Variants in SOBP observed in about 807,000 individuals in gnomAD.
SOBP encodes the protein sine oculis-binding protein homolog.
In SOBP, 4 loss-of-function variants were observed where a neutral mutation model predicts 53.6. The observed-to-expected ratio is 0.07, with a 90% confidence interval of 0.04 to 0.17. The LOEUF (loss-of-function observed/expected upper bound fraction) is 0.17, where lower values mean the gene tolerates loss of function less well. SOBP is among the 10% of genes least tolerant of loss of function. The pLI, the probability that SOBP is intolerant of heterozygous loss-of-function variation, is 1.00. For missense variants in SOBP, 1,088 were observed against 1,204.7 expected (o/e 0.90, Z 1.43); for synonymous variants, 584 against 522.6 (o/e 1.12, Z -1.60).
chr6:107,521,909 A>ACAC, intron 3 of SOBP, among the ~76,000 whole-genome samples: 1 of 139,370 alleles, frequency 7.2e-6, no homozygotes, highest in South Asian at 2.4e-4. Flanking sequence ...CAGACATTAA[A>ACAC]ACACACACAC....
In SOBP at chr6:107,599,397, T is replaced by A. The variant is rs540717785; in HGVS notation, c.669+12222T>A. ...ATATGAGTAGTCCGAATCCGTTTTT[T>A]AAAAATGAACCATCTTATGATATAC... On this transcript the variant is annotated intron_variant, in intron 5 of 6. Coordinates refer to ENST00000317357, the MANE Select transcript of SOBP (RefSeq NM_018013.4). 1.1e-4 allele frequency among the ~76,000 whole-genome samples: 16 copies of A among 152,312 alleles called. No individual in the cohort carries two copies. The East Asian group carries it at 1.5e-3, about 15-fold the overall frequency.
intron 6 of SOBP, among the ~76,000 whole-genome samples, chr6:107,643,476 AC>A (rs1771415158): frequency 6.6e-6 from 1 of 152,002 alleles, no homozygotes; most frequent in South Asian, 2.1e-4. Flanking sequence ...GAGTGCAGTG[AC>A]GCGATCTCGG....
intron 1 of SOBP, among the ~76,000 whole-genome samples, chr6:107,496,001 A>G (rs549239381): frequency 4.6e-5 from 7 of 152,242 alleles, no homozygotes; most frequent in African/African-American, 1.7e-4. Context: ...GAAAAAAAAA[A>G]CACGGAAGAC....
At chr6:107,554,576 C>T (rs1054613937) in intron 4 of SOBP, among the ~76,000 whole-genome samples, 3 of 152,208 alleles carry the variant, frequency 2.0e-5, no homozygotes, top group Non-Finnish European at 4.4e-5. Flanking sequence ...TTTGCCAAGA[C>T]ATCTCTTCAT....
chr6:107,538,290 G>A (rs1030979036), intron 4 of SOBP, among the ~76,000 whole-genome samples: 11 of 152,098 alleles, frequency 7.2e-5, no homozygotes, highest in Admixed American at 2.6e-4. Flanking sequence ...TGTAACAATT[G>A]CCCTGTTAAT....
intron 5 of SOBP, among the ~76,000 whole-genome samples, chr6:107,610,995 G>T (rs1786575367): frequency 6.6e-6 from 1 of 152,252 alleles, no homozygotes; most frequent in Non-Finnish European, 1.5e-5. Context: ...GGAGAGAGCA[G>T]GCTGTTTGCT....
At chr6:107,612,701 T>G (rs908563482) in intron 5 of SOBP, among the ~76,000 whole-genome samples, 3 of 152,272 alleles carry the variant, frequency 2.0e-5, no homozygotes, top group African/African-American at 7.2e-5. Flanking sequence ...TTCCAAAACT[T>G]TTTCATCACC....
At chr6:107,491,673 A>C (rs918147109) in intron 1 of SOBP, among the ~76,000 whole-genome samples, 2 of 136,742 alleles carry the variant, frequency 1.5e-5, no homozygotes, top group Non-Finnish European at 3.2e-5. Flanking sequence ...ATATAAAACA[A>C]TTTATTTATT....
intron 6 of SOBP, among the ~76,000 whole-genome samples, chr6:107,657,999 A>G: frequency 6.6e-6 from 1 of 152,106 alleles, no homozygotes; most frequent in East Asian, 1.9e-4. Context: ...TCCTCACACA[A>G]AGCTGGCAGG....
intron 4 of SOBP, among the ~76,000 whole-genome samples, chr6:107,563,828 A>G (rs969002484): frequency 6.6e-6 from 1 of 152,196 alleles, no homozygotes; most frequent in Admixed American, 6.5e-5. Flanking sequence ...GCTTCAAGAA[A>G]GTACAGGGAG....
intron 3 of SOBP, among the ~76,000 whole-genome samples, chr6:107,524,198 C>T (rs76591027): frequency 0.015 from 2,242 of 152,306 alleles, 58 homozygotes; most frequent in African/African-American, 0.052. Flanking sequence ...CTAGGCAGGG[C>T]AAGGCCTCAG....
intron 6 of SOBP, among the ~76,000 whole-genome samples, chr6:107,651,653 A>C (rs1264964124): frequency 6.6e-6 from 1 of 152,260 alleles, no homozygotes; most frequent in Non-Finnish European, 1.5e-5. Flanking sequence ...TTCAATATAG[A>C]TAAAACAGCT....
intron 3 of SOBP, among the ~76,000 whole-genome samples, chr6:107,522,578 G>A (rs1026934679): frequency 2.8e-5 from 1 of 35,784 alleles, no homozygotes; most frequent in South Asian, 8.6e-4. Context: ...GTCTCATTTT[G>A]TTGCCTAGGC....
chr6:107,644,364 T>C (rs1446528727), intron 6 of SOBP, among the ~76,000 whole-genome samples: 1 of 152,220 alleles, frequency 6.6e-6, no homozygotes, highest in Admixed American at 6.5e-5. Flanking sequence ...TGTGTCCACA[T>C]GAACTTAAAG....
intron 6 of SOBP, among the ~76,000 whole-genome samples, chr6:107,653,814 T>C (rs1227181518): frequency 6.6e-6 from 1 of 152,200 alleles, no homozygotes; most frequent in Non-Finnish European, 1.5e-5. Context: ...GAACACACAT[T>C]TACTTTTGGG....
At chr6:107,627,597 A>G (rs1291683086) in intron 5 of SOBP, among the ~76,000 whole-genome samples, 3 of 152,222 alleles carry the variant, frequency 2.0e-5, no homozygotes, top group Non-Finnish European at 4.4e-5. Context: ...AGAGAGAGAG[A>G]GAGCTAGAGC....
chr6:107,656,107 C>T (rs1230601994), intron 6 of SOBP, among the ~76,000 whole-genome samples: 1 of 152,144 alleles, frequency 6.6e-6, no homozygotes, highest in East Asian at 1.9e-4. Context: ...TAGCAACTTC[C>T]AGGCTGTGCT....
chr6:107,614,597 A>G (rs1786714178), intron 5 of SOBP, among the ~76,000 whole-genome samples: 1 of 152,214 alleles, frequency 6.6e-6, no homozygotes, highest in East Asian at 1.9e-4. Context: ...AGTAGGATGA[A>G]CACTTTTATA....
intron 3 of SOBP, among the ~76,000 whole-genome samples, chr6:107,520,737 A>C (rs966182087): frequency 1.3e-5 from 2 of 152,142 alleles, no homozygotes; most frequent in African/African-American, 4.8e-5. Flanking sequence ...TGACTTCTTA[A>C]AGTTCCTGTT....
Sources: allele counts gnomAD v4.1 joint callset (sites outside exome capture counted in the v4.1 genomes callset), GRCh38; gene constraint gnomAD v4.1.1; transcripts MANE v1.5; gene names NCBI Gene and HGNC (gene_info 2026-07-23, HGNC 2026-07-21).